Variants in MDGA2 observed in about 807,000 individuals in gnomAD.
MDGA2 encodes the protein MAM domain-containing glycosylphosphatidylinositol anchor protein 2.
In MDGA2, 40 loss-of-function variants were observed where a neutral mutation model predicts 117.8. That is an observed-to-expected ratio of 0.34 (90% CI 0.26 to 0.44). The LOEUF is 0.44. MDGA2 is among the 20% of genes least tolerant of loss of function. MDGA2 has a pLI of 1.00. For missense variants in MDGA2, 1,123 were observed against 1,250.6 expected, an observed-to-expected ratio of 0.90 and a Z score of 1.54; for synonymous variants, 452 against 439.0, an observed-to-expected ratio of 1.03 and a Z score of -0.37.
chr14:47,190,570 TAAC>T (rs1265204191), intron 3 of MDGA2, among the ~76,000 whole-genome samples: 1 of 152,062 alleles, frequency 6.6e-6, no homozygotes, highest in African/African-American at 2.4e-5. Context: ...TACGTAAAAA[TAAC>T]AACAACAACA....
intron 8 of MDGA2, among the ~76,000 whole-genome samples, chr14:47,002,727 T>C (rs1340639530): frequency 1.3e-5 from 2 of 148,796 alleles, no homozygotes; most frequent in Non-Finnish European, 3.0e-5. Context: ...AGACTCTATC[T>C]AAAAAAAAAA....
chr14:47,469,483 C>T (rs192744670), intron 1 of MDGA2, among the ~76,000 whole-genome samples: 40 of 152,300 alleles, frequency 2.6e-4, no homozygotes, highest in Non-Finnish European at 5.4e-4. Flanking sequence ...AGGACAAGAA[C>T]TCATCATTTT....
chr14:47,412,400 G>A (rs1448864124), intron 1 of MDGA2, among the ~76,000 whole-genome samples: 1 of 152,048 alleles, frequency 6.6e-6, no homozygotes, highest in East Asian at 1.9e-4. Context: ...TCCCTCCTCA[G>A]CCTCCCTAGT....
rs772523329 is a variant in MDGA2, at chr14:46,961,013, G to C, written c.1820-3370C>G. 5.9e-5 allele frequency among the ~76,000 whole-genome samples: 9 copies of C among 151,526 alleles called. No homozygotes were observed. The East Asian group carries it at 1.7e-3, about 29-fold the overall frequency. On this transcript the variant is annotated intron_variant, in intron 8 of 16. Transcript: ENST00000399232. ...TTTTCCTTGTAGGTTGGCAGGCTTT[G>C]TTCTTTCAGCGCATCATTATATAAT...
At chr14:47,280,852 A>G (rs1309764022) in intron 2 of MDGA2, among the ~76,000 whole-genome samples, 3 of 151,226 alleles carry the variant, frequency 2.0e-5, no homozygotes, top group Non-Finnish European at 4.4e-5. Flanking sequence ...AAGACATATC[A>G]TATTCTCTGT....
chr14:47,367,406 C>T (rs1197237884), intron 1 of MDGA2, among the ~76,000 whole-genome samples: 4 of 152,118 alleles, frequency 2.6e-5, no homozygotes, highest in Admixed American at 6.6e-5. Context: ...AAAAGACTAA[C>T]GTACAACAAA....
At chr14:46,904,197 C>G (rs1392680581) in intron 10 of MDGA2, among the ~76,000 whole-genome samples, 3 of 151,816 alleles carry the variant, frequency 2.0e-5, no homozygotes, top group African/African-American at 4.8e-5. Flanking sequence ...AAACCCATCT[C>G]TACTAAAAAT....
intron 8 of MDGA2, among the ~76,000 whole-genome samples, chr14:46,977,518 T>A (rs1373354892): frequency 1.3e-5 from 2 of 151,944 alleles, no homozygotes; most frequent in East Asian, 3.8e-4. Context: ...TATGAAATGG[T>A]CATTTGATAA....
At chr14:47,637,422 G>A (rs1287307222) in intron 1 of MDGA2, among the ~76,000 whole-genome samples, 1 of 152,172 alleles carries the variant, frequency 6.6e-6, no homozygotes, top group African/African-American at 2.4e-5. Flanking sequence ...ATGAATTTGA[G>A]AGGAAAACCA....
At chr14:47,317,221 T>C (rs1889834871) in intron 1 of MDGA2, among the ~76,000 whole-genome samples, 1 of 152,096 alleles carries the variant, frequency 6.6e-6, no homozygotes, top group Admixed American at 6.6e-5. Context: ...AAAGAAAAGA[T>C]AAATACAATA....
chr14:47,666,404 C>T (rs1316216237), intron 1 of MDGA2, among the ~76,000 whole-genome samples: 2 of 146,678 alleles, frequency 1.4e-5, no homozygotes, highest in African/African-American at 2.5e-5. Context: ...ATACACCAAT[C>T]GGCACTCTGT....
rs1269008717 is a variant in MDGA2, at chr14:47,561,170, TGTTTG to T, written c.280+113342_280+113346del. Among the ~76,000 whole-genome samples the T allele has an allele frequency of 2.7e-3, 267 of 100,034 alleles. 17 individuals carry two copies. Among genetic ancestry groups the T allele is most frequent in the African/African-American group, 9.2e-3 (246 of 26,658 alleles). The allele number at this position is 100,034 out of a possible 152,430, so 65.6% of individuals were successfully genotyped here. On this transcript the variant is annotated intron_variant, in intron 1 of 16. Transcript: ENST00000399232. ...TTTTTTTTGTTTTGTTTTGTTTTTTTGTTTGTTTGTTTTTTTTTGCTTAGGATTGC... is the reference window on the plus strand; with the variant it reads ...TTTTTTTTGTTTTGTTTTGTTTTTTTTTTGTTTTTTTTTGCTTAGGATTGC...
At chr14:47,134,328 T>C (rs1882350656) in intron 4 of MDGA2, among the ~76,000 whole-genome samples, 1 of 152,032 alleles carries the variant, frequency 6.6e-6, no homozygotes, top group African/African-American at 2.4e-5. Context: ...TTTATATATA[T>C]TTATTTCTCC....
intron 3 of MDGA2, among the ~76,000 whole-genome samples, chr14:47,199,503 T>C (rs917939193): frequency 6.6e-6 from 1 of 152,180 alleles, no homozygotes; most frequent in African/African-American, 2.4e-5. Flanking sequence ...AAGATTGTAG[T>C]AAAATGTCAG....
chr14:47,303,417 G>A (rs1386448732), intron 1 of MDGA2, among the ~76,000 whole-genome samples: 1 of 152,094 alleles, frequency 6.6e-6, no homozygotes, highest in African/African-American at 2.4e-5. Flanking sequence ...TCTGGACTCT[G>A]TCTAGACATT....
At chr14:47,306,040 A>G (rs952062788) in intron 1 of MDGA2, 2 of 152,148 alleles carry the variant, frequency 1.3e-5, no homozygotes, top group Non-Finnish European at 2.9e-5. Context: ...TAACCATGTA[A>G]AAATGTATCC....
chr14:47,035,341 A>G (rs1594550487), intron 7 of MDGA2, 37 bp from the exon 8 acceptor site: 1 of 1,527,584 alleles, frequency 6.5e-7, no homozygotes. Context: ...CAAGGTTAGT[A>G]TAAACTGGTA....
chr14:47,134,969 AGAGTT>A (rs1432993474), intron 4 of MDGA2, among the ~76,000 whole-genome samples: 1 of 152,022 alleles, frequency 6.6e-6, no homozygotes, highest in Non-Finnish European at 1.5e-5. Context: ...TTACTCACAT[AGAGTT>A]AATTATACTC....
At chr14:46,968,835 T>TA (rs759219093) in intron 8 of MDGA2, among the ~76,000 whole-genome samples, 8,858 of 105,638 alleles carry the variant, frequency 0.084, 506 homozygotes, top group Admixed American at 0.23. Context: ...AGACTCTGTC[T>TA]AAAAAAAAAA....
Sources: gnomAD v4.1 joint callset for allele counts (sites outside exome capture counted in the v4.1 genomes callset) on GRCh38, gnomAD v4.1.1 for gene constraint, MANE v1.5 for transcripts, NCBI Gene and HGNC (gene_info 2026-07-23, HGNC 2026-07-21) for gene names.